The following GRIP1 variants were observed in gnomAD, a reference collection of about 807,000 sequenced individuals.
GRIP1 encodes glutamate receptor interacting protein 1.
GRIP1 carries 45 observed loss-of-function variants against 129.9 expected under a neutral mutation model. The ratio of observed to expected loss-of-function variants is 0.35; its 90% CI spans 0.27 to 0.44. GRIP1 has a LOEUF of 0.44. GRIP1 is among the 20% of genes least tolerant of loss of function. The probability of loss-of-function intolerance (pLI) is 1.00; values close to 1 mark genes in which losing one functional copy is unlikely to be tolerated. For synonymous variants in GRIP1, 530 were observed against 520.8 expected (o/e 1.02, Z -0.24); for missense variants, 1,196 against 1,396.8 (o/e 0.86, Z 2.29).
intron 1 of GRIP1, among the ~76,000 whole-genome samples, chr12:66,809,626 T>C (rs553877680): frequency 6.6e-6 from 1 of 152,266 alleles, no homozygotes; most frequent in South Asian, 2.1e-4. Context: ...TCATAGATCA[T>C]GTAACTCATG....
intron 2 of GRIP1, among the ~76,000 whole-genome samples, chr12:66,548,894 C>A (rs1224118933): frequency 6.6e-6 from 1 of 152,098 alleles, no homozygotes. Context: ...CATCACACCT[C>A]AAAATGCTCT....
At chr12:66,736,806 T>A (rs11176405) in intron 1 of GRIP1, among the ~76,000 whole-genome samples, 6 of 152,076 alleles carry the variant, frequency 3.9e-5, no homozygotes, top group Admixed American at 1.3e-4. Flanking sequence ...GATAAATTGA[T>A]ACCATAAAGA....
Position 66,462,951 on chromosome 12 carries a change from G to A in GRIP1, c.1015C>T (p.Arg339Trp), listed in dbSNP as rs377476830. 38 of 1,613,926 alleles carry A rather than the reference G, an allele frequency of 2.4e-5. No homozygotes were observed. Among genetic ancestry groups the A allele is most frequent in the Non-Finnish European group, 3.0e-5 (35 of 1,179,936 alleles). The change falls in exon 9 of 25, where the codon CGG becomes TGG. Residue 339 changes from arginine (R) to tryptophan (W), a missense_variant. By Grantham distance (101) the Arg-to-Trp change is moderately radical (BLOSUM62 -3). Transcript: ENST00000359742. Reference sequence around the variant, plus strand: ...TGGTCGGGCCCCTTTAGGGCCAGCCGGGTCTGATGATGGGGAAGGATCTCA... The same window carrying A: ...TGGTCGGGCCCCTTTAGGGCCAGCCAGGTCTGATGATGGGGAAGGATCTCA... ...KLEILPHHQT[R>W]LALKGPDHVK... is the part of the protein sequence containing the mutation.
chr12:66,403,852 A>G (rs574898457), intron 16 of GRIP1, among the ~76,000 whole-genome samples: 1 of 152,354 alleles, frequency 6.6e-6, no homozygotes, highest in African/African-American at 2.4e-5. Context: ...GTTGTTTCAG[A>G]AACTCCTGCC....
intron 2 of GRIP1, among the ~76,000 whole-genome samples, chr12:66,583,055 A>G (rs1481668238): frequency 1.7e-4 from 25 of 151,412 alleles, no homozygotes; most frequent in African/African-American, 5.8e-4. Flanking sequence ...GTACCAAAAC[A>G]GAGATATAGA....
Position 66,641,602 on chromosome 12 carries a change from T to C in GRIP1, c.55+37248A>G, listed in dbSNP as rs573297625. Among the ~76,000 whole-genome samples the C allele has an allele frequency of 5.9e-5, 9 of 152,304 alleles. No individual in the cohort carries two copies. In the South Asian group the frequency reaches 1.5e-3, roughly 25 times the overall value. ...ACACATAGGAGCAACTGGATGAATT[T>C]AGTGCAAGCACAGTTACACTAGTAG... On this transcript the variant is annotated intron_variant, in intron 1 of 24. Transcript: ENST00000359742.
chr12:66,956,244 G>A (rs181180852), intron 1 of GRIP1, among the ~76,000 whole-genome samples: 72 of 152,240 alleles, frequency 4.7e-4, no homozygotes, highest in African/African-American at 1.6e-3. Context: ...TTATGACCTT[G>A]AAACTTTTGA....
intron 1 of GRIP1, among the ~76,000 whole-genome samples, chr12:66,651,858 C>T (rs2032818510): frequency 6.6e-6 from 1 of 151,712 alleles, no homozygotes; most frequent in Non-Finnish European, 1.5e-5. Flanking sequence ...GAAAAAAATA[C>T]TAGAATGAAG....
chr12:66,552,371 T>C (rs1341131116), intron 2 of GRIP1, among the ~76,000 whole-genome samples: 1 of 152,116 alleles, frequency 6.6e-6, no homozygotes, highest in Non-Finnish European at 1.5e-5. Context: ...ATGAAGAAAT[T>C]TGTGATACTT....
intron 1 of GRIP1, among the ~76,000 whole-genome samples, chr12:66,957,313 C>T (rs1045450930): frequency 1.3e-5 from 2 of 152,082 alleles, no homozygotes; most frequent in Non-Finnish European, 2.9e-5. Context: ...CCCTGCCAAA[C>T]ACCTTGATCT....
chr12:66,888,835 A>G (rs943725974), intron 1 of GRIP1, among the ~76,000 whole-genome samples: 1 of 152,216 alleles, frequency 6.6e-6, no homozygotes, highest in Admixed American at 6.5e-5. Flanking sequence ...GTGAAAAGCC[A>G]CATTTAAATA....
intron 1 of GRIP1, chr12:66,803,851 G>C (rs12228084): frequency 0.25 from 66,336 of 260,574 alleles, 9,590 homozygotes; most frequent in Admixed American, 0.32. Context: ...ACAGACCTTG[G>C]CTGGTGACAC....
At chr12:66,429,322 A>G (rs1421450557) in intron 14 of GRIP1, among the ~76,000 whole-genome samples, 1 of 152,178 alleles carries the variant, frequency 6.6e-6, no homozygotes, top group African/African-American at 2.4e-5. Flanking sequence ...GGTTTCACTA[A>G]CAGTATCCGT....
At chr12:66,904,732 A>AAT (rs983742225) in intron 1 of GRIP1, among the ~76,000 whole-genome samples, 1 of 152,116 alleles carries the variant, frequency 6.6e-6, no homozygotes. Flanking sequence ...CTTCTATTAA[A>AAT]AATACAAAAA....
intron 1 of GRIP1, among the ~76,000 whole-genome samples, chr12:67,041,867 T>C (rs1056933929): frequency 4.7e-4 from 72 of 152,216 alleles, no homozygotes; most frequent in African/African-American, 1.7e-3. Flanking sequence ...TACAAACCCA[T>C]AGTAATGTTA....
chr12:67,049,937 G>T (rs2043314982), intron 1 of GRIP1, among the ~76,000 whole-genome samples: 1 of 149,142 alleles, frequency 6.7e-6, no homozygotes, highest in East Asian at 2.0e-4. Context: ...GTTTTAATTG[G>T]CATTTCTTTG....
At chr12:66,766,145 G>A (rs1029138967) in intron 1 of GRIP1, among the ~76,000 whole-genome samples, 4 of 152,098 alleles carry the variant, frequency 2.6e-5, no homozygotes, top group African/African-American at 9.7e-5. Context: ...CTGACAACTC[G>A]AAACACTAGC....
intron 1 of GRIP1, among the ~76,000 whole-genome samples, chr12:67,014,731 C>T (rs1292073212): frequency 6.6e-6 from 1 of 152,038 alleles, no homozygotes; most frequent in Non-Finnish European, 1.5e-5. Context: ...AAAAAGAAGG[C>T]TGCCTAATTT....
rs554523220 is a variant in GRIP1 at position 66,464,365 on chromosome 12, T to C, written c.872+910A>G. On this transcript the variant is annotated intron_variant, in intron 8 of 24. Transcript: ENST00000359742. ...TATTAATTAGAAACATGAAATTTCA[T>C]TTTTATTGTGGCATTGAAGCGAATG... Among the ~76,000 whole-genome samples, 114 of 152,358 alleles carry C rather than the reference T, an allele frequency of 7.5e-4. 1 individual carries two copies. Among genetic ancestry groups the C allele is most frequent in the African/African-American group, 2.5e-3 (105 of 41,584 alleles).
Sources: gnomAD v4.1 joint callset for allele counts (sites outside exome capture counted in the v4.1 genomes callset) on GRCh38, gnomAD v4.1.1 for gene constraint, MANE v1.5 for transcripts, NCBI Gene and HGNC (gene_info 2026-07-23, HGNC 2026-07-21) for gene names.